UCK2: variants seen among roughly 807,000 people sequenced by gnomAD.
UCK2 encodes uridine-cytidine kinase 2.
UCK2 carries 6 observed loss-of-function variants against 30.8 expected under a neutral mutation model. The observed-to-expected ratio is 0.19, with a 90% CI of 0.11 to 0.38. UCK2 has a LOEUF of 0.38. UCK2 is among the 10% of genes least tolerant of loss of function. The probability of loss-of-function intolerance (pLI) is 1.00; values close to 1 mark genes in which losing one functional copy is unlikely to be tolerated. For synonymous variants in UCK2, 125 were observed against 133.6 expected (o/e 0.94, Z 0.45); for missense variants, 210 against 339.8 (o/e 0.62, Z 3.00).
chr1:165,838,215 C>T (rs1405389650), intron 1 of UCK2, among the ~76,000 whole-genome samples: 2 of 152,212 alleles, frequency 1.3e-5, no homozygotes, highest in Non-Finnish European at 2.9e-5. Flanking sequence ...TGACCCATCT[C>T]CCTCTTCTTT....
At chr1:165,828,507 TAA>T (rs1436293679) in intron 1 of UCK2, among the ~76,000 whole-genome samples, 1 of 152,178 alleles carries the variant, frequency 6.6e-6, no homozygotes, top group East Asian at 1.9e-4. Context: ...GGTTTCCGGG[TAA>T]AAGTCTGAGA....
intron 1 of UCK2, among the ~76,000 whole-genome samples, chr1:165,837,172 A>G (rs1654216488): frequency 6.6e-6 from 1 of 152,222 alleles, no homozygotes; most frequent in South Asian, 2.1e-4. Context: ...AGTTTTCAAC[A>G]CGTGAACTTT....
chr1:165,903,026 CT>C (rs1212188612), intron 4 of UCK2, 155 bp from the exon 5 acceptor site: 1 of 546,904 alleles, frequency 1.8e-6, no homozygotes, highest in Non-Finnish European at 3.3e-6. Context: ...TCCGAAGCCG[CT>C]GCTGATCTGC....
chr1:165,887,562 A>C (rs1655647199), intron 1 of UCK2, among the ~76,000 whole-genome samples: 1 of 152,216 alleles, frequency 6.6e-6, no homozygotes, highest in African/African-American at 2.4e-5. Context: ...ACTAGATAAT[A>C]TACATTTGGC....
chr1:165,903,277 C>G lies in UCK2; in HGVS notation c.595C>G (p.Pro199Ala). 6.2e-7 allele frequency: 1 copy of G among 1,612,780 alleles called. No homozygotes were observed. The highest frequency in any genetic ancestry group is 8.5e-7 in the Non-Finnish European group (1 of 1,179,234). The change falls in exon 5 of 7, where the codon CCA (proline) becomes GCA (alanine). Residue 199 changes from proline (P) to alanine (A), a missense_variant and splice_region_variant. Coordinates refer to ENST00000367879, the MANE Select transcript of UCK2 (RefSeq NM_012474.5). ...VKPAFEEFCL[P>A]TKKYADVIIP... ...GCCTGCCTTTGAGGAATTCTGCTTG[C>G]CAGTGAGTTGTGTTCTTGGTTTGTT...
chr1:165,906,774 C>T (rs1031968968), intron 6 of UCK2, among the ~76,000 whole-genome samples: 25 of 152,294 alleles, frequency 1.6e-4, no homozygotes, highest in Non-Finnish European at 3.5e-4. Context: ...TTTCTTCATT[C>T]TCTTTAGAAT....
At chr1:165,853,384 A>G (rs1194798423) in intron 1 of UCK2, among the ~76,000 whole-genome samples, 3 of 152,318 alleles carry the variant, frequency 2.0e-5, no homozygotes, top group Middle Eastern at 3.4e-3. Flanking sequence ...ATTTAAAAAA[A>G]ATTCCAAAAA....
intron 1 of UCK2, among the ~76,000 whole-genome samples, chr1:165,858,069 A>G (rs1240198142): frequency 6.6e-6 from 1 of 152,204 alleles, no homozygotes; most frequent in Non-Finnish European, 1.5e-5. Flanking sequence ...CTTTCAGACC[A>G]TTACAAAAAC....
At chr1:165,882,443 A>G (rs1325712575) in intron 1 of UCK2, among the ~76,000 whole-genome samples, 4 of 152,226 alleles carry the variant, frequency 2.6e-5, no homozygotes, top group African/African-American at 9.6e-5. Flanking sequence ...GGGTTTAAAG[A>G]TAGTGTACCT....
intron 1 of UCK2, among the ~76,000 whole-genome samples, chr1:165,877,151 A>T (rs1204747828): frequency 6.6e-6 from 1 of 152,200 alleles, no homozygotes; most frequent in East Asian, 1.9e-4. Flanking sequence ...TCTCATCCCA[A>T]TTAATTATTA....
At chr1:165,832,664 A>G (rs956770370) in intron 1 of UCK2, among the ~76,000 whole-genome samples, 17 of 151,988 alleles carry the variant, frequency 1.1e-4, no homozygotes, top group African/African-American at 3.4e-4. Context: ...GCTGGAGTGC[A>G]GGGGTGCGAA....
intron 3 of UCK2, among the ~76,000 whole-genome samples, chr1:165,893,989 C>T (rs1432583217): frequency 1.3e-5 from 2 of 152,154 alleles, no homozygotes. Context: ...ATGTGAAATG[C>T]TCCAAAATCT....
rs773659157 is a variant in UCK2 at position 165,908,025 on chromosome 1, A to G, written c.*202A>G. The G allele has an allele frequency of 4.4e-6, 3 of 678,580 alleles. No individual in the cohort carries two copies. The highest frequency in any genetic ancestry group is 6.8e-6 in the Non-Finnish European group (3 of 438,582). 42.0% of individuals were successfully genotyped at this position (678,580 alleles called of 1,614,324 possible). ...GAACTTGACCCTGAGCTTAAATAAC[A>G]AAACTGTGCCAACTACTACTGGTGA... On this transcript the variant is annotated 3_prime_UTR_variant, in exon 7 of 7. Coordinates refer to ENST00000367879, the MANE Select transcript of UCK2 (RefSeq NM_012474.5).
At chr1:165,858,221 C>T (rs1250596768) in intron 1 of UCK2, among the ~76,000 whole-genome samples, 1 of 152,158 alleles carries the variant, frequency 6.6e-6, no homozygotes, top group Non-Finnish European at 1.5e-5. Context: ...GTGTGAGGTA[C>T]TGGACCTCTG....
intron 1 of UCK2, among the ~76,000 whole-genome samples, chr1:165,837,151 A>G (rs981280032): frequency 2.0e-5 from 3 of 152,172 alleles, no homozygotes; most frequent in South Asian, 4.1e-4. Context: ...ACACTGCCAC[A>G]TTGGGCATCA....
rs759045693 is a variant in UCK2, at chr1:165,907,774, C to G, written c.737C>G (p.Thr246Ser). Residue 246 changes from threonine to serine, a missense_variant, in exon 7 of 7, where the codon ACC (threonine) becomes AGC (serine). Thr to Ser is a moderately conservative substitution (Grantham distance 58). Transcript: ENST00000367879. The stretch of plus-strand genomic sequence containing the variant: ...ACCAATGGCTGTCTCAACGGCTACA[C>G]CCCTTCACGCAAGAGGCAGGCATCG... ...RQTNGCLNGY[T>S]PSRKRQASES... is the part of the protein sequence containing the mutation. 1 of 1,614,202 alleles carries G rather than the reference C, an allele frequency of 6.2e-7. No homozygotes were observed. Among genetic ancestry groups the G allele is most frequent in the Non-Finnish European group, 8.5e-7 (1 of 1,180,044 alleles).
At chr1:165,877,212 C>T (rs924849767) in intron 1 of UCK2, among the ~76,000 whole-genome samples, 1 of 152,106 alleles carries the variant, frequency 6.6e-6, no homozygotes, top group Non-Finnish European at 1.5e-5. Context: ...AGAAGCTATA[C>T]CTCTGGGATA....
At chr1:165,840,004 C>T (rs1001916850) in intron 1 of UCK2, among the ~76,000 whole-genome samples, 1 of 152,222 alleles carries the variant, frequency 6.6e-6, no homozygotes, top group African/African-American at 2.4e-5. Flanking sequence ...CCCACTGCAG[C>T]CTCTGCCGGG....
intron 3 of UCK2, 42 bp from the exon 4 acceptor site, chr1:165,896,148 C>T (rs1046554100): frequency 6.2e-7 from 1 of 1,611,586 alleles, no homozygotes; most frequent in African/African-American, 1.3e-5. Context: ...CCCTTGCTAG[C>T]CCCTGCCTGG....
Sources: allele counts gnomAD v4.1 joint callset (sites outside exome capture counted in the v4.1 genomes callset), GRCh38; gene constraint gnomAD v4.1.1; transcripts MANE v1.5; gene names NCBI Gene and HGNC (gene_info 2026-07-23, HGNC 2026-07-21).